TRIP12: variants seen among roughly 807,000 people sequenced by gnomAD.
TRIP12 encodes thyroid hormone receptor interactor 12, also known as E3 ubiquitin-protein ligase TRIP12.
Under a neutral mutation model 244.2 loss-of-function variants are expected in TRIP12, and 25 were observed. The observed-to-expected ratio is 0.10, with a 90% CI of 0.07 to 0.14. The LOEUF is 0.14. Ranked by LOEUF, TRIP12 falls within the 10% of genes least tolerant of loss-of-function variation. The pLI is 1.00. For synonymous variants in TRIP12, 905 were observed against 873.1 expected (o/e 1.04, Z -0.64); for missense variants, 1,677 against 2,486.4 (o/e 0.67, Z 6.92).
intron 1 of TRIP12, among the ~76,000 whole-genome samples, chr2:229,904,443 A>G (rs907699246): frequency 1.4e-5 from 2 of 145,022 alleles, no homozygotes; most frequent in African/African-American, 5.2e-5. Flanking sequence ...AAAAAATTTT[A>G]ATCTGACAAA....
chr2:229,889,029 A>T (rs1474041815), intron 1 of TRIP12, among the ~76,000 whole-genome samples: 2 of 152,192 alleles, frequency 1.3e-5, no homozygotes, highest in Non-Finnish European at 2.9e-5. Flanking sequence ...AATTTTGAGC[A>T]TATGTATTTA....
intron 5 of TRIP12, 57 bp from the exon 6 acceptor site, chr2:229,837,041 T>C: frequency 7.1e-7 from 1 of 1,407,614 alleles, no homozygotes; most frequent in Non-Finnish European, 9.2e-7. Flanking sequence ...GAGCAATGTA[T>C]ACACAACACA....
intron 13 of TRIP12, among the ~76,000 whole-genome samples, chr2:229,813,620 C>CA (rs2047795182): frequency 2.0e-5 from 3 of 151,734 alleles, no homozygotes; most frequent in Non-Finnish European, 4.4e-5. Context: ...CCCATCTCTA[C>CA]TAAAAATACA....
intron 7 of TRIP12, among the ~76,000 whole-genome samples, chr2:229,829,750 A>G (rs1411018185): frequency 6.6e-6 from 1 of 152,176 alleles, no homozygotes; most frequent in African/African-American, 2.4e-5. Flanking sequence ...GGAGCTCAAG[A>G]CCAGCCTGGC....
At chr2:229,806,332 T>C (rs1294166166) in intron 17 of TRIP12, among the ~76,000 whole-genome samples, 1 of 151,660 alleles carries the variant, frequency 6.6e-6, no homozygotes, top group Admixed American at 6.5e-5. Flanking sequence ...TCCTATAAAA[T>C]TGTCCTCATT....
intron 26 of TRIP12, among the ~76,000 whole-genome samples, chr2:229,793,779 C>T (rs1174429286): frequency 1.3e-5 from 2 of 152,102 alleles, no homozygotes; most frequent in Non-Finnish European, 2.9e-5. Flanking sequence ...GGCCCACAGG[C>T]CACATGCAGC....
intron 1 of TRIP12, among the ~76,000 whole-genome samples, chr2:229,904,408 T>A (rs1472737166): frequency 3.4e-5 from 3 of 88,228 alleles, no homozygotes; most frequent in African/African-American, 1.6e-4. Flanking sequence ...AGAGTGAGAC[T>A]CCATCTCCAA....
At chr2:229,797,931 G>T in intron 23 of TRIP12, 100 bp from the exon 24 acceptor site, 2 of 1,251,510 alleles carry the variant, frequency 1.6e-6, no homozygotes, top group South Asian at 3.1e-5. Context: ...ATTCATCCTG[G>T]TCTATGCTTA....
At chr2:229,832,034 T>C (rs979697259) in intron 6 of TRIP12, among the ~76,000 whole-genome samples, 1 of 152,112 alleles carries the variant, frequency 6.6e-6, no homozygotes, top group Non-Finnish European at 1.5e-5. Context: ...GTGAATAACA[T>C]ATGCGAGTTT....
At position 229,793,101 on chromosome 2, in the gene TRIP12, G is replaced by A; in HGVS notation, c.4013C>T (p.Thr1338Ile). The A allele has an allele frequency of 6.2e-7, 1 of 1,613,534 alleles. No homozygotes were observed. Among genetic ancestry groups the A allele is most frequent in the Non-Finnish European group, 8.5e-7 (1 of 1,179,698 alleles). ...TTGTAACTGGCATTTTAATTGATGT[G>A]TGTTGAAAAATTTTAAAGCCTGTGA... ...RGSQALKFFN[T>I]HQLKCQLQRH... Residue 1338 changes from threonine to isoleucine, a missense_variant, in exon 27 of 42, where the codon ACA becomes ATA. By Grantham distance (89) the Thr-to-Ile change is moderately conservative. Coordinates refer to ENST00000675903, the MANE Select transcript of TRIP12 (RefSeq NM_001348323.3).
At chr2:229,864,027 AGAGAGAGAGAGAGAGAGAGAGTGT>A (rs1158841012) in intron 2 of TRIP12, among the ~76,000 whole-genome samples, 15 of 141,772 alleles carry the variant, frequency 1.1e-4, no homozygotes, top group African/African-American at 3.3e-4. Context: ...AGAGAGAGAG[AGAGAGAGAGAGAGAGAGAGAGTGT>A]GTGTGTGTGT....
chr2:229,782,044 A>C (rs1574901802), intron 34 of TRIP12, among the ~76,000 whole-genome samples: 1 of 152,316 alleles, frequency 6.6e-6, no homozygotes, highest in Non-Finnish European at 1.5e-5. Flanking sequence ...GAGGGATGAG[A>C]GAGGAAAGAT....
intron 1 of TRIP12, among the ~76,000 whole-genome samples, chr2:229,913,682 A>G (rs545349140): frequency 6.6e-6 from 1 of 152,328 alleles, no homozygotes; most frequent in Admixed American, 6.5e-5. Flanking sequence ...TGCTAATATT[A>G]TTTCACAACA....
chr2:229,790,801 CA>C (rs1338393411), intron 30 of TRIP12, among the ~76,000 whole-genome samples: 2 of 152,190 alleles, frequency 1.3e-5, no homozygotes, highest in Non-Finnish European at 2.9e-5. Context: ...GGCCAATTAT[CA>C]CTACCTTCAG....
intron 1 of TRIP12, among the ~76,000 whole-genome samples, chr2:229,911,361 A>C (rs1283287212): frequency 6.6e-6 from 1 of 152,248 alleles, no homozygotes; most frequent in Non-Finnish European, 1.5e-5. Flanking sequence ...TAAATATCAT[A>C]GCTATCAGAA....
At chr2:229,855,652 C>T (rs2059487033) in intron 4 of TRIP12, among the ~76,000 whole-genome samples, 1 of 148,778 alleles carries the variant, frequency 6.7e-6, no homozygotes, top group African/African-American at 2.5e-5. Context: ...CATTCAAGGT[C>T]ACACCTACTA....
intron 5 of TRIP12, among the ~76,000 whole-genome samples, chr2:229,839,747 T>C (rs2154308523): frequency 6.6e-6 from 1 of 151,476 alleles, no homozygotes; most frequent in South Asian, 2.1e-4. Context: ...AGCTACTGAA[T>C]AATTAGCAGC....
At chr2:229,799,203 T>C (rs2043570755) in intron 22 of TRIP12, 80 bp downstream of exon 22, 21 of 1,539,642 alleles carry the variant, frequency 1.4e-5, no homozygotes, top group Non-Finnish European at 5.4e-6. Context: ...CAAGAGCTAC[T>C]GGCAGTTTTA....
chr2:229,851,650 T>G (rs2058725052), intron 4 of TRIP12, among the ~76,000 whole-genome samples: 1 of 151,898 alleles, frequency 6.6e-6, no homozygotes. Context: ...GCTATAACAC[T>G]CACCGCGAAG....
Sources: gnomAD v4.1 joint callset for allele counts (sites outside exome capture counted in the v4.1 genomes callset) on GRCh38, gnomAD v4.1.1 for gene constraint, MANE v1.5 for transcripts, NCBI Gene and HGNC (gene_info 2026-07-23, HGNC 2026-07-21) for gene names.